KIAA1217: variants seen among roughly 807,000 people sequenced by gnomAD.
KIAA1217 encodes the protein sickle tail protein homolog.
Under a neutral mutation model 163.9 loss-of-function variants are expected in KIAA1217, and 88 were observed. That is an observed-to-expected ratio of 0.54 (90% CI 0.45 to 0.64). KIAA1217 has a LOEUF of 0.64. Ranked by LOEUF, KIAA1217 falls within the 30% of genes least tolerant of loss-of-function variation. The probability of loss-of-function intolerance (pLI) is 0.00; values close to 1 mark genes in which losing one functional copy is unlikely to be tolerated. For missense variants in KIAA1217, 2,372 were observed against 2,475.0 expected, an observed-to-expected ratio of 0.96 and a Z score of 0.88; for synonymous variants, 903 against 923.1, an observed-to-expected ratio of 0.98 and a Z score of 0.39.
intron 3 of KIAA1217, among the ~76,000 whole-genome samples, chr10:24,413,463 C>T (rs1033305895): frequency 2.6e-5 from 4 of 152,178 alleles, no homozygotes; most frequent in Admixed American, 6.5e-5. Context: ...TGAGCCACCA[C>T]GCCCAGCCCC....
At chr10:24,041,488 T>A (rs2131558012) in intron 2 of KIAA1217, among the ~76,000 whole-genome samples, 1 of 152,282 alleles carries the variant, frequency 6.6e-6, no homozygotes, top group Admixed American at 6.5e-5. Context: ...ATAATTTATA[T>A]CTCTTTCCCT....
intron 1 of KIAA1217, among the ~76,000 whole-genome samples, chr10:23,875,309 T>G (rs1001490752): frequency 2.6e-5 from 4 of 152,168 alleles, no homozygotes; most frequent in Non-Finnish European, 5.9e-5. Flanking sequence ...AGGACTCTGA[T>G]AGGAGGCAGG....
At chr10:23,927,774 A>G (rs2131304788) in intron 1 of KIAA1217, among the ~76,000 whole-genome samples, 1 of 152,340 alleles carries the variant, frequency 6.6e-6, no homozygotes, top group Non-Finnish European at 1.5e-5. Flanking sequence ...CCATATAAAC[A>G]GATGTGCTAT....
chr10:24,044,340 A>G (rs745307688), intron 2 of KIAA1217, among the ~76,000 whole-genome samples: 2 of 152,294 alleles, frequency 1.3e-5, no homozygotes, highest in East Asian at 3.9e-4. Flanking sequence ...TTGAATTGAT[A>G]TGGTGTTTTT....
At chr10:24,390,478 A>AGGGAAGGAAGGAAGGAAGGC (rs1168654913) in intron 3 of KIAA1217, among the ~76,000 whole-genome samples, 1,942 of 99,660 alleles carry the variant, frequency 0.019, 217 homozygotes, top group African/African-American at 0.062. Context: ...GGAGGGAGGG[A>AGGGAAGGAAGGAAGGAAGGC]AGGAAGGAAG....
intron 2 of KIAA1217, among the ~76,000 whole-genome samples, chr10:24,222,902 T>G (rs1348864230): frequency 6.6e-6 from 1 of 152,182 alleles, no homozygotes; most frequent in Non-Finnish European, 1.5e-5. Flanking sequence ...TATGGTTATT[T>G]CTTGATGATA....
In KIAA1217 at chr10:24,057,449, A is replaced by G. The variant is rs190329315; in HGVS notation, c.-171+50075A>G. Among the ~76,000 whole-genome samples, 42 of 152,246 alleles carry G rather than the reference A, an allele frequency of 2.8e-4. No individual in the cohort carries two copies. The East Asian group carries it at 7.7e-3, about 28-fold the overall frequency. On this transcript the variant is annotated intron_variant, in intron 2 of 18. Transcript: ENST00000376462. Reference sequence around the variant, plus strand: ...GCCATTTGTCTCTCCCCTCAATCCCAAGCAACCAGAATTCTACTCTCTGTT... The same window carrying G: ...GCCATTTGTCTCTCCCCTCAATCCCGAGCAACCAGAATTCTACTCTCTGTT...
intron 2 of KIAA1217, among the ~76,000 whole-genome samples, chr10:24,308,034 A>C (rs1161839291): frequency 2.0e-5 from 3 of 152,210 alleles, no homozygotes; most frequent in Admixed American, 6.5e-5. Flanking sequence ...AAAATTATAA[A>C]AGAAAAATAT....
chr10:23,748,505 GA>G (rs1231227517), intron 1 of KIAA1217, among the ~76,000 whole-genome samples: 10 of 138,814 alleles, frequency 7.2e-5, no homozygotes, highest in African/African-American at 2.8e-4. Flanking sequence ...AGGGAAAGGA[GA>G]GGAGAGGAGA....
chr10:24,305,188 G>A (rs2041870798), intron 2 of KIAA1217, among the ~76,000 whole-genome samples: 2 of 152,168 alleles, frequency 1.3e-5, no homozygotes, highest in South Asian at 4.1e-4. Flanking sequence ...GCACAAAATT[G>A]GGGAGATATT....
intron 1 of KIAA1217, among the ~76,000 whole-genome samples, chr10:23,719,503 T>C (rs112775755): frequency 0.02 from 3,075 of 151,512 alleles, 119 homozygotes; most frequent in African/African-American, 0.07. Flanking sequence ...ATTGTTTGAG[T>C]CCAGGAGGTC....
intron 2 of KIAA1217, among the ~76,000 whole-genome samples, chr10:24,234,698 CTTGGCT>C (rs1341649603): frequency 7.2e-5 from 10 of 138,342 alleles, no homozygotes; most frequent in African/African-American, 2.6e-4. Context: ...ATACAAAAAA[CTTGGCT>C]TTGCTTTTTC....
intron 1 of KIAA1217, among the ~76,000 whole-genome samples, chr10:23,807,935 CA>C (rs1381648578): frequency 6.6e-6 from 1 of 152,182 alleles, no homozygotes; most frequent in Non-Finnish European, 1.5e-5. Flanking sequence ...GGCACCAAGC[CA>C]GGAGTTAGAA....
intron 10 of KIAA1217, among the ~76,000 whole-genome samples, chr10:24,519,425 G>A (rs1456947558): frequency 2.6e-5 from 4 of 152,116 alleles, no homozygotes; most frequent in African/African-American, 9.7e-5. Flanking sequence ...TTGGTAGCTT[G>A]GAGAAGAGTT....
chr10:23,711,107 C>T (rs960053656), intron 1 of KIAA1217, among the ~76,000 whole-genome samples: 3 of 152,152 alleles, frequency 2.0e-5, no homozygotes, highest in African/African-American at 7.2e-5. Flanking sequence ...ACCAGATCTT[C>T]TGGGCCATCC....
chr10:24,220,199 CAAACACATCT>C (rs971798800), intron 2 of KIAA1217, among the ~76,000 whole-genome samples: 4 of 152,110 alleles, frequency 2.6e-5, no homozygotes, highest in African/African-American at 9.7e-5. Flanking sequence ...TGTTCAACCA[CAAACACATCT>C]AAACACATCT....
chr10:24,336,124 C>A (rs960821329), intron 2 of KIAA1217, among the ~76,000 whole-genome samples: 65 of 152,218 alleles, frequency 4.3e-4, no homozygotes, highest in South Asian at 6.2e-4. Context: ...TGCCTGTAAT[C>A]CCAGCTACTC....
At chr10:23,992,431 A>T (rs1431513390) in intron 1 of KIAA1217, among the ~76,000 whole-genome samples, 1 of 152,194 alleles carries the variant, frequency 6.6e-6, no homozygotes, top group Non-Finnish European at 1.5e-5. Flanking sequence ...GTCAAGAATG[A>T]GACCCAAGAG....
chr10:24,457,249 ATAAGCT>A (rs2061885969), intron 5 of KIAA1217, among the ~76,000 whole-genome samples: 1 of 152,162 alleles, frequency 6.6e-6, no homozygotes, highest in Admixed American at 6.6e-5. Context: ...TTGAGGGAAG[ATAAGCT>A]ACCTTTGGTT....
Sources: allele counts gnomAD v4.1 joint callset (sites outside exome capture counted in the v4.1 genomes callset), GRCh38; gene constraint gnomAD v4.1.1; transcripts MANE v1.5; gene names NCBI Gene and HGNC (gene_info 2026-07-23, HGNC 2026-07-21).